Variants in ZFPM2 observed in about 807,000 individuals in gnomAD.
ZFPM2 encodes zinc finger protein ZFPM2.
Under a neutral mutation model 98.6 loss-of-function variants are expected in ZFPM2, and 20 were observed. The ratio of observed to expected loss-of-function variants is 0.20; its 90% CI spans 0.14 to 0.29. ZFPM2 has a LOEUF of 0.29. Ranked by LOEUF, ZFPM2 falls within the 10% of genes least tolerant of loss-of-function variation. The pLI is 1.00. For synonymous variants in ZFPM2, 518 were observed against 502.7 expected, an observed-to-expected ratio of 1.03 and a Z score of -0.41; for missense variants, 1,310 against 1,388.6, an observed-to-expected ratio of 0.94 and a Z score of 0.90.
chr8:105,660,151 T>C (rs1817360240), intron 5 of ZFPM2, among the ~76,000 whole-genome samples: 1 of 152,198 alleles, frequency 6.6e-6, no homozygotes, highest in Admixed American at 6.5e-5. Context: ...CATTTTTTTT[T>C]TTATTAAACT....
intron 5 of ZFPM2, among the ~76,000 whole-genome samples, chr8:105,717,039 A>T (rs1811542170): frequency 6.6e-6 from 1 of 152,016 alleles, no homozygotes; most frequent in South Asian, 2.1e-4. Context: ...GTGCTGATAC[A>T]TTTAAAAGGG....
intron 5 of ZFPM2, among the ~76,000 whole-genome samples, chr8:105,651,292 C>G (rs1817168821): frequency 6.6e-6 from 1 of 151,980 alleles, no homozygotes; most frequent in Admixed American, 6.6e-5. Flanking sequence ...CAATCATACT[C>G]AATTGTTTAA....
chr8:105,553,472 A>T (rs1482770880), intron 3 of ZFPM2, among the ~76,000 whole-genome samples: 1 of 152,206 alleles, frequency 6.6e-6, no homozygotes, highest in Non-Finnish European at 1.5e-5. Context: ...GTTTTAGACC[A>T]TTCCAGTGTG....
chr8:105,793,291 A>T (rs559745777), intron 6 of ZFPM2, among the ~76,000 whole-genome samples: 303 of 151,822 alleles, frequency 2.0e-3, no homozygotes, highest in African/African-American at 7.0e-3. Context: ...GTGGTGACAA[A>T]ATCTCTCAGC....
In ZFPM2 at chr8:105,696,941, G is replaced by T. The variant is rs16873530; in HGVS notation, c.532+62584G>T. On this transcript the variant is annotated intron_variant, in intron 5 of 7. Transcript: ENST00000407775. ...AATTGGGGTATCGGTGACCCCTGAT[G>T]AACTTGATATGTATTTGATTATGAA... Among the ~76,000 whole-genome samples, 1,294 of 152,136 alleles carry T rather than the reference G, an allele frequency of 8.5e-3. 17 individuals are homozygous for T. The highest frequency in any genetic ancestry group is 0.029 in the African/African-American group (1,211 of 41,514).
chr8:105,361,464 C>A (rs1812860233), intron 1 of ZFPM2, among the ~76,000 whole-genome samples: 1 of 151,224 alleles, frequency 6.6e-6, no homozygotes, highest in Non-Finnish European at 1.5e-5. Context: ...TGTGCAGAAG[C>A]TCTTTAGTTT....
chr8:105,541,797 G>A (rs534501414), intron 3 of ZFPM2, among the ~76,000 whole-genome samples: 1 of 152,122 alleles, frequency 6.6e-6, no homozygotes, highest in East Asian at 1.9e-4. Context: ...CTATTTTATT[G>A]CAGTATTGTA....
chr8:105,354,390 A>G (rs1401868318), intron 1 of ZFPM2, among the ~76,000 whole-genome samples: 2 of 152,238 alleles, frequency 1.3e-5, no homozygotes, highest in Non-Finnish European at 1.5e-5. Flanking sequence ...AAAAGCAGAA[A>G]AGATTTAGCT....
chr8:105,645,647 A>G (rs1016389786), intron 5 of ZFPM2, among the ~76,000 whole-genome samples: 5 of 152,224 alleles, frequency 3.3e-5, no homozygotes, highest in African/African-American at 1.2e-4. Context: ...GCTGGGAAGC[A>G]TAGCCTACAC....
intron 4 of ZFPM2, among the ~76,000 whole-genome samples, chr8:105,606,376 AGTT>A (rs1438081413): frequency 5.3e-5 from 8 of 150,976 alleles, no homozygotes; most frequent in Admixed American, 2.0e-4. Context: ...TTTTCATTTG[AGTT>A]GTTGTAGTAT....
chr8:105,656,951 A>T (rs992044005), intron 5 of ZFPM2, among the ~76,000 whole-genome samples: 1 of 152,140 alleles, frequency 6.6e-6, no homozygotes, highest in African/African-American at 2.4e-5. Context: ...TATTTGGTGG[A>T]TGAATAAATG....
chr8:105,328,022 C>T (rs767518503), intron 1 of ZFPM2, among the ~76,000 whole-genome samples: 3 of 151,584 alleles, frequency 2.0e-5, no homozygotes, highest in Admixed American at 6.6e-5. Context: ...GAATTCAGTG[C>T]GAATCATTTG....
chr8:105,550,175 TCA>T (rs1481892783), intron 3 of ZFPM2, among the ~76,000 whole-genome samples: 18 of 151,468 alleles, frequency 1.2e-4, no homozygotes. Flanking sequence ...TGTGATGCTT[TCA>T]CAGTGTTTTG....
chr8:105,566,266 T>C (rs905507862), intron 4 of ZFPM2, among the ~76,000 whole-genome samples: 24 of 152,160 alleles, frequency 1.6e-4, no homozygotes, highest in African/African-American at 5.8e-4. Context: ...CTTATACCCC[T>C]GAAAAAATTG....
intron 5 of ZFPM2, among the ~76,000 whole-genome samples, chr8:105,648,138 G>T (rs1284727723): frequency 6.6e-6 from 1 of 152,176 alleles, no homozygotes; most frequent in Non-Finnish European, 1.5e-5. Flanking sequence ...GTGATGATGA[G>T]CCTTTTTTCC....
chr8:105,529,010 T>C (rs1033159407), intron 3 of ZFPM2: 1 of 152,194 alleles, frequency 6.6e-6, no homozygotes, highest in African/African-American at 2.4e-5. Flanking sequence ...AGAGCTTCCA[T>C]AACAAGCCTA....
chr8:105,702,135 A>G (rs1811154392), intron 5 of ZFPM2, among the ~76,000 whole-genome samples: 1 of 152,186 alleles, frequency 6.6e-6, no homozygotes, highest in African/African-American at 2.4e-5. Context: ...AGCTTCTTAA[A>G]GGGCTGCTTC....
chr8:105,668,716 T>C (rs1817531970), intron 5 of ZFPM2, among the ~76,000 whole-genome samples: 1 of 152,208 alleles, frequency 6.6e-6, no homozygotes, highest in African/African-American at 2.4e-5. Context: ...TATTTAATTA[T>C]AGATGCTTAA....
At chr8:105,649,406 C>CT (rs1817122239) in intron 5 of ZFPM2, among the ~76,000 whole-genome samples, 1 of 152,128 alleles carries the variant, frequency 6.6e-6, no homozygotes, top group South Asian at 2.1e-4. Flanking sequence ...GCCAGAACTT[C>CT]CAACACTATG....
Sources: gnomAD v4.1 joint callset for allele counts (sites outside exome capture counted in the v4.1 genomes callset) on GRCh38, gnomAD v4.1.1 for gene constraint, MANE v1.5 for transcripts, NCBI Gene and HGNC (gene_info 2026-07-23, HGNC 2026-07-21) for gene names.